Variants in RYR3 observed in about 807,000 individuals in gnomAD.
RYR3 encodes brain ryanodine receptor-calcium release channel.
In RYR3, 207 loss-of-function variants were observed where a neutral mutation model predicts 584.3. The ratio of observed to expected loss-of-function variants is 0.35; its 90% CI spans 0.32 to 0.40. The LOEUF (loss-of-function observed/expected upper bound fraction) is 0.40. Among genes scored for constraint, RYR3 ranks in the 10% least tolerant of loss-of-function variants. The pLI is 1.00. For missense variants in RYR3, 5,616 were observed against 6,089.2 expected (o/e 0.92, Z 2.59); for synonymous variants, 2,416 against 2,248.5 (o/e 1.07, Z -2.11).
At chr15:33,772,343 G>C (rs1404869808) in intron 63 of RYR3, among the ~76,000 whole-genome samples, 185 bp downstream of exon 63, 1 of 152,160 alleles carries the variant, frequency 6.6e-6, no homozygotes, top group Non-Finnish European at 1.5e-5. Context: ...GGAATGGAAA[G>C]AAATTCCCTA....
At chr15:33,516,378 C>T (rs1436226933) in intron 3 of RYR3, among the ~76,000 whole-genome samples, 1 of 150,962 alleles carries the variant, frequency 6.6e-6, no homozygotes, top group Non-Finnish European at 1.5e-5. Context: ...GAATCTCACT[C>T]CGTCACCCTG....
At chr15:33,805,470 T>TC (rs1491534300) in intron 69 of RYR3, among the ~76,000 whole-genome samples, 1 of 16,426 alleles carries the variant, frequency 6.1e-5, no homozygotes, top group African/African-American at 2.9e-4. Flanking sequence ...TTTCTCTCTC[T>TC]TTTTTTTTTT....
chr15:33,421,753 A>G (rs1397485438), intron 1 of RYR3, among the ~76,000 whole-genome samples: 1 of 152,166 alleles, frequency 6.6e-6, no homozygotes, highest in Non-Finnish European at 1.5e-5. Flanking sequence ...ATTTAGAAGC[A>G]TTTATTTCCG....
At chr15:33,823,128 A>G in intron 81 of RYR3, 56 bp downstream of exon 81, 2 of 1,452,476 alleles carry the variant, frequency 1.4e-6, no homozygotes, top group Non-Finnish European at 1.9e-6. Flanking sequence ...TAAGCATAGG[A>G]GGCAGGGGAA....
At chr15:33,482,902 C>G (rs1296979823) in intron 2 of RYR3, among the ~76,000 whole-genome samples, 1 of 152,158 alleles carries the variant, frequency 6.6e-6, no homozygotes. Flanking sequence ...GGGACTCCAA[C>G]TACTTATATG....
intron 16 of RYR3, among the ~76,000 whole-genome samples, chr15:33,593,407 A>C (rs1421809333): frequency 6.6e-6 from 1 of 152,180 alleles, no homozygotes; most frequent in African/African-American, 2.4e-5. Flanking sequence ...GTGAAGTCCC[A>C]TATCCTGTGA....
intron 10 of RYR3, among the ~76,000 whole-genome samples, chr15:33,558,186 T>C (rs2057195187): frequency 6.6e-6 from 1 of 152,166 alleles, no homozygotes; most frequent in South Asian, 2.1e-4. Flanking sequence ...TATGTTGGTG[T>C]GCTGCACCCA....
intron 1 of RYR3, among the ~76,000 whole-genome samples, chr15:33,340,579 C>T (rs560859646): frequency 1.3e-5 from 2 of 152,288 alleles, no homozygotes; most frequent in Admixed American, 1.3e-4. Context: ...AGGCCTCTCT[C>T]TTTGGCTTGT....
chr15:33,822,756 T>A (rs189528954), intron 80 of RYR3, among the ~76,000 whole-genome samples: 1 of 152,370 alleles, frequency 6.6e-6, no homozygotes, highest in African/African-American at 2.4e-5. Flanking sequence ...TATCACGGCC[T>A]TGGTGCTTGT....
At chr15:33,582,066 C>T (rs1440814901) in intron 14 of RYR3, among the ~76,000 whole-genome samples, 4 of 152,172 alleles carry the variant, frequency 2.6e-5, no homozygotes, top group Admixed American at 1.3e-4. Context: ...CTGCTTTGGC[C>T]TGTAATTTAT....
At chr15:33,829,646 G>A (rs1470743608) in intron 85 of RYR3, among the ~76,000 whole-genome samples, 4 of 151,870 alleles carry the variant, frequency 2.6e-5, no homozygotes, top group South Asian at 4.2e-4. Flanking sequence ...CCAGCTACTC[G>A]GGAGGCTGAG....
intron 38 of RYR3, among the ~76,000 whole-genome samples, chr15:33,682,616 C>T (rs2064707695): frequency 6.6e-6 from 1 of 152,196 alleles, no homozygotes; most frequent in Admixed American, 6.5e-5. Context: ...ACATGACTAG[C>T]TTCCCTAAGA....
chr15:33,348,623 G>A (rs1972780807), intron 1 of RYR3, among the ~76,000 whole-genome samples: 1 of 152,008 alleles, frequency 6.6e-6, no homozygotes, highest in Non-Finnish European at 1.5e-5. Flanking sequence ...CTACAGGCGT[G>A]CGCCACCATG....
chr15:33,816,737 C>T (rs1309234644), intron 74 of RYR3, 125 bp from the exon 75 acceptor site: 1 of 599,532 alleles, frequency 1.7e-6, no homozygotes. Context: ...CTACTGGCTA[C>T]CCTGACCAAT....
At position 33,357,260 on chromosome 15, in the gene RYR3, A is replaced by G. The variant is rs3751639; in HGVS notation, c.51+46164A>G. 1.4e-4 allele frequency among the ~76,000 whole-genome samples: 21 copies of G among 152,316 alleles called. 1 individual carries two copies. In the East Asian group the frequency reaches 3.9e-3, roughly 28 times the overall value. On this transcript the variant is annotated intron_variant, in intron 1 of 103. Coordinates refer to ENST00000634891, the MANE Select transcript of RYR3 (RefSeq NM_001036.6). ...CTTCAGATCTGGTCTTGAATGGATCAAGAAAGATTTTCTTAATAAAACAAA... is the reference window on the plus strand; with the variant it reads ...CTTCAGATCTGGTCTTGAATGGATCGAGAAAGATTTTCTTAATAAAACAAA...
At chr15:33,600,498 G>T (rs992837595) in intron 16 of RYR3, among the ~76,000 whole-genome samples, 20 of 151,994 alleles carry the variant, frequency 1.3e-4, no homozygotes, top group African/African-American at 4.8e-4. Flanking sequence ...GAATGAAAGA[G>T]GATACAGTGC....
At chr15:33,467,499 G>A in intron 1 of RYR3, 3 of 984,380 alleles carry the variant, frequency 3.0e-6, no homozygotes, top group Non-Finnish European at 3.6e-6. Flanking sequence ...GTATAAGAAA[G>A]AAAGCTGTAA....
At chr15:33,806,656 G>A (rs1048189579) in intron 69 of RYR3, among the ~76,000 whole-genome samples, 2 of 152,136 alleles carry the variant, frequency 1.3e-5, no homozygotes, top group African/African-American at 4.8e-5. Flanking sequence ...TTTAAAGGTT[G>A]TAGCACAAGA....
intron 70 of RYR3, among the ~76,000 whole-genome samples, chr15:33,809,186 AG>A (rs2076374548): frequency 6.6e-6 from 1 of 152,238 alleles, no homozygotes; most frequent in Middle Eastern, 3.2e-3. Flanking sequence ...GCCCAAGCCC[AG>A]GAGGACCAGA....
Sources: allele counts gnomAD v4.1 joint callset (sites outside exome capture counted in the v4.1 genomes callset), GRCh38; gene constraint gnomAD v4.1.1; transcripts MANE v1.5; gene names NCBI Gene and HGNC (gene_info 2026-07-23, HGNC 2026-07-21).